TCIRG1: variants seen among roughly 807,000 people sequenced by gnomAD.
TCIRG1 encodes V-type proton ATPase 116 kDa subunit a 3.
TCIRG1 carries 86 observed loss-of-function variants against 95.5 expected under a neutral mutation model. That is an observed-to-expected ratio of 0.90 (90% CI 0.76 to 1.08). The LOEUF (loss-of-function observed/expected upper bound fraction) is 1.08. Among genes scored for constraint, TCIRG1 ranks in the 50% least tolerant of loss-of-function variants. The pLI, the probability that TCIRG1 is intolerant of heterozygous loss-of-function variation, is 0.00. For missense variants in TCIRG1, 1,069 were observed against 1,140.2 expected, an observed-to-expected ratio of 0.94 and a Z score of 0.90; for synonymous variants, 499 against 501.3, an observed-to-expected ratio of 1.00 and a Z score of 0.06.
intron 10 of TCIRG1, chr11:68,047,049 C>T (rs1293761517): frequency 1.6e-5 from 6 of 373,518 alleles, no homozygotes; most frequent in Admixed American, 1.1e-4. Flanking sequence ...TTCGCTCTGT[C>T]GCGCAGGCTG....
intron 10 of TCIRG1, among the ~76,000 whole-genome samples, chr11:68,045,815 G>A (rs1855453146): frequency 6.6e-6 from 1 of 152,168 alleles, no homozygotes; most frequent in Non-Finnish European, 1.5e-5. Flanking sequence ...GGCCGTTGGG[G>A]GCCCAAGCAC....
At position 68,042,830 on chromosome 11, in the gene TCIRG1, C is replaced by T. The variant is rs3808973; in HGVS notation, c.384C>T (p.His128=). The T allele has an allele frequency of 0.04, 61,387 of 1,548,734 alleles. 1,430 individuals carry two copies. Among genetic ancestry groups the T allele is most frequent in the East Asian group, 0.093 (3,791 of 40,870 alleles). ...LRAQLHQLQL[H]AAVLRQGHEP... is the part of the protein sequence containing the mutation. ...CCCAGCTGCACCAGCTGCAGCTCCA[C>T]GCCGCCGTGCTACGCCAGGGCCATG... The change falls in exon 4 of 20, where the codon CAC becomes CAT. Residue 128 remains histidine, a synonymous_variant. Transcript: ENST00000265686.
At chr11:68,047,377 G>A (rs747893324) in intron 10 of TCIRG1, 56 bp from the exon 11 acceptor site, 247 of 1,605,506 alleles carry the variant, frequency 1.5e-4, no homozygotes, top group East Asian at 2.3e-4. Flanking sequence ...GTCTTGGGCC[G>A]GGAGGCAGAT....
intron 10 of TCIRG1, chr11:68,046,986 C>T (rs751080839): frequency 4.2e-5 from 19 of 450,150 alleles, no homozygotes; most frequent in Middle Eastern, 6.8e-4. Flanking sequence ...CAAGGTCACA[C>T]AGCTCCTAAG....
intron 1 of TCIRG1, among the ~76,000 whole-genome samples, chr11:68,040,881 G>A (rs1855127316): frequency 6.6e-6 from 1 of 152,222 alleles, no homozygotes; most frequent in African/African-American, 2.4e-5. Flanking sequence ...CCCCGGGGCA[G>A]CCCTGGGCCT....
At position 68,044,349 on chromosome 11, in the gene TCIRG1, G is replaced by A; in HGVS notation, c.1020+5G>A. 1 of 1,564,734 alleles carries A rather than the reference G, an allele frequency of 6.4e-7. No homozygotes were observed. Among genetic ancestry groups the A allele is most frequent in the Non-Finnish European group, 8.6e-7 (1 of 1,160,770 alleles). The stretch of plus-strand genomic sequence containing the variant: ...GAGGCCCTGCGGGACAGCTCGGTGA[G>A]CAGCCTGAGGCCTCGCCCCCTCTCC... On this transcript the variant is annotated splice_donor_5th_base_variant and intron_variant, in intron 9 of 19. Transcript: ENST00000265686.
Position 68,041,528 on chromosome 11 carries a change from T to A in TCIRG1, c.117+140T>A, listed in dbSNP as rs1023541524. 5 of 748,384 alleles carry A rather than the reference T, an allele frequency of 6.7e-6. No homozygotes were observed. In the African/African-American group the frequency reaches 8.7e-5, roughly 13 times the overall value. The allele number at this position is 748,384 out of a possible 1,614,324, so 46.4% of individuals were successfully genotyped here. A position where few individuals can be genotyped will look rare whatever the true frequency, so the allele number is the denominator to read the frequency against. ...CAGCGGCCCCTGCCATGGGCACTGCTCATGGGAAGCCCGCAGCTGAGGCCC... is the reference window on the plus strand; with the variant it reads ...CAGCGGCCCCTGCCATGGGCACTGCACATGGGAAGCCCGCAGCTGAGGCCC... On this transcript the variant is annotated intron_variant, in intron 2 of 19. Transcript: ENST00000265686.
rs1338631330 is a variant in TCIRG1, at chr11:68,042,792, C to T, written c.346C>T (p.Gln116Ter). ...GCTGCGGGATGTGCGGGGCAACCAG[C>T]AGGCCCTGCGGGCCCAGCTGCACCA... is the stretch of plus-strand genomic sequence containing the variant. ...QELRDVRGNQ[Q>*]ALRAQLHQLQ... The change falls in exon 4 of 20, where the codon CAG (glutamine) becomes TAG (stop). Residue 116 changes from glutamine to a stop codon, truncating the protein, a stop_gained. Transcript: ENST00000265686. LOFTEE classifies it high-confidence loss of function. 1 of 1,548,364 alleles carries T rather than the reference C, an allele frequency of 6.5e-7. No individual in the cohort carries two copies. The highest frequency in any genetic ancestry group is 2.0e-5 in the Admixed American group (1 of 50,962).
At position 68,044,327 on chromosome 11, in the gene TCIRG1, G is replaced by A; in HGVS notation, c.1003G>A (p.Ala335Thr). Residue 335 changes from alanine to threonine, a missense_variant, in exon 9 of 20, where the codon GCC becomes ACC. Physicochemically the swap from Ala to Thr is moderately conservative, Grantham distance 58 (BLOSUM62 0). Transcript: ENST00000265686. ...SVRDLPALQE[A>T]LRDSSMEEGV... ...GCGAGACCTGCCCGCCCTGCAGGAGGCCCTGCGGGACAGCTCGGTGAGCAG... is the reference window on the plus strand; with the variant it reads ...GCGAGACCTGCCCGCCCTGCAGGAGACCCTGCGGGACAGCTCGGTGAGCAG... 1 of 1,591,970 alleles carries A rather than the reference G, an allele frequency of 6.3e-7. No individual in the cohort carries two copies. Among genetic ancestry groups the A allele is most frequent in the Non-Finnish European group, 8.5e-7 (1 of 1,173,256 alleles).
intron 1 of TCIRG1, among the ~76,000 whole-genome samples, chr11:68,040,739 G>A (rs562527749): frequency 3.9e-5 from 6 of 152,334 alleles, no homozygotes; most frequent in Non-Finnish European, 8.8e-5. Context: ...CTGCTGCCGG[G>A]CGGCCCGGGC....
At position 68,047,702 on chromosome 11, in the gene TCIRG1, C is replaced by T. The variant is rs1245222600; in HGVS notation, c.1361C>T (p.Ser454Phe). The change falls in exon 12 of 20, where the codon TCC becomes TTC. Residue 454 changes from serine to phenylalanine, a missense_variant. Ser to Phe is a radical substitution (Grantham distance 155, BLOSUM62 -2). Coordinates refer to ENST00000265686, the MANE Select transcript of TCIRG1 (RefSeq NM_006019.4). ...RYLLLLMGLF[S>F]IYTGFIYNEC... ...CTGCTCCTGCTTATGGGCCTGTTCTCCATCTACACCGGCTTCATCTACAAC... is the reference window on the plus strand; with the variant it reads ...CTGCTCCTGCTTATGGGCCTGTTCTTCATCTACACCGGCTTCATCTACAAC... 6.2e-7 allele frequency: 1 copy of T among 1,611,676 alleles called. No homozygotes were observed. The highest frequency in any genetic ancestry group is 1.3e-5 in the African/African-American group (1 of 74,328).
rs1304271537 is a variant in TCIRG1, at chr11:68,050,193, G to A, written c.2175G>A (p.Leu725=). The A allele has an allele frequency of 1.9e-6, 3 of 1,613,738 alleles. No individual in the cohort carries two copies. Among genetic ancestry groups the A allele is most frequent in the South Asian group, 1.1e-5 (1 of 91,090 alleles). The change falls in exon 18 of 20, where the codon CTG becomes CTA. Residue 725 remains leucine, a synonymous_variant. Coordinates refer to ENST00000265686, the MANE Select transcript of TCIRG1 (RefSeq NM_006019.4). ...CCATCCACACCATCGAGTTCTGCCT[G>A]GGCTGCGTCTCCAACACCGCCTCCT... The part of the protein sequence containing the change: ...HQAIHTIEFC[L]GCVSNTASYL...
Position 68,042,976 on chromosome 11 carries a change from G to T in TCIRG1, c.448G>T (p.Glu150Ter). The T allele has an allele frequency of 1.9e-6, 3 of 1,555,414 alleles. No homozygotes were observed. Among genetic ancestry groups the T allele is most frequent in the Non-Finnish European group, 2.6e-6 (3 of 1,149,566 alleles). ...AGCCGCCCACACAGATGGGGCCTCA[G>T]AGAGGACGCCCCTGCTCCAGGCCCC... is the stretch of plus-strand genomic sequence containing the variant. ...LAAAHTDGAS[E>*]RTPLLQAPGG... The change falls in exon 5 of 20, where the codon GAG (glutamate) becomes TAG (stop). Residue 150 changes from glutamate (E) to a stop codon, truncating the protein, a stop_gained. Coordinates refer to ENST00000265686, the MANE Select transcript of TCIRG1 (RefSeq NM_006019.4). LOFTEE classifies it high-confidence loss of function.
intron 10 of TCIRG1, among the ~76,000 whole-genome samples, 165 bp downstream of exon 10, chr11:68,045,267 G>A (rs1565158037): frequency 6.6e-6 from 1 of 152,274 alleles, no homozygotes; most frequent in South Asian, 2.1e-4. Context: ...TCTGCAGCCA[G>A]TGTGAGGCTT....
intron 6 of TCIRG1, 31 bp from the exon 7 acceptor site, chr11:68,043,540 G>A (rs1246660418): frequency 1.9e-6 from 3 of 1,595,840 alleles, no homozygotes; most frequent in Admixed American, 1.7e-5. Context: ...GGCAGAGCGG[G>A]ACCCCAGAGT....
At chr11:68,046,921 T>TA (rs1855515023) in intron 10 of TCIRG1, 1 of 456,180 alleles carries the variant, frequency 2.2e-6, no homozygotes, top group Non-Finnish European at 4.4e-6. Flanking sequence ...GGTCTGGTGT[T>TA]ACCTGCATTT....
chr11:68,041,884 G>A, intron 3 of TCIRG1, 53 bp downstream of exon 3: 2 of 1,496,854 alleles, frequency 1.3e-6, no homozygotes, highest in Non-Finnish European at 1.8e-6. Context: ...GGAGGCATGG[G>A]CCAAGTTTGA....
At position 68,048,814 on chromosome 11, in the gene TCIRG1, G is replaced by A. The variant is rs571538954; in HGVS notation, c.1555-65G>A. The A allele has an allele frequency of 1.1e-4, 134 of 1,172,916 alleles. 1 individual carries two copies. The highest frequency in any genetic ancestry group is 9.6e-4 in the African/African-American group (64 of 66,800). 72.7% of individuals were successfully genotyped at this position (1,172,916 alleles called of 1,614,324 possible). On this transcript the variant is annotated intron_variant, in intron 13 of 19. Coordinates refer to ENST00000265686, the MANE Select transcript of TCIRG1 (RefSeq NM_006019.4). ...GGGTGGTGAGAGAGTGACTCGGGCC[G>A]GGGACTTCCTGGCAGTGATGGCGAG...
At chr11:68,048,850 A>C in intron 13 of TCIRG1, 29 bp from the exon 14 acceptor site, 1 of 1,512,488 alleles carries the variant, frequency 6.6e-7, no homozygotes, top group Non-Finnish European at 9.1e-7. Context: ...GGAGCCCCTG[A>C]GTCCAGCCCA....
Sources: allele counts gnomAD v4.1 joint callset (sites outside exome capture counted in the v4.1 genomes callset), GRCh38; gene constraint gnomAD v4.1.1; transcripts MANE v1.5; gene names NCBI Gene and HGNC (gene_info 2026-07-23, HGNC 2026-07-21).